PTPRM: variants seen among roughly 807,000 people sequenced by gnomAD.
PTPRM encodes receptor-type tyrosine-protein phosphatase mu.
A neutral mutation model predicts 186.7 loss-of-function variants in PTPRM; 47 were observed. The ratio of observed to expected loss-of-function variants is 0.25; its 90% CI spans 0.20 to 0.32. PTPRM has a LOEUF of 0.32. PTPRM is among the 10% of genes least tolerant of loss of function. The pLI, the probability that PTPRM is intolerant of heterozygous loss-of-function variation, is 1.00. For missense variants in PTPRM, 1,494 were observed against 1,865.0 expected (o/e 0.80, Z 3.66); for synonymous variants, 668 against 674.9 (o/e 0.99, Z 0.16).
At chr18:7,592,827 A>T (rs2037162186) in intron 1 of PTPRM, among the ~76,000 whole-genome samples, 1 of 152,176 alleles carries the variant, frequency 6.6e-6, no homozygotes, top group South Asian at 2.1e-4. Flanking sequence ...CAAGTGTGTG[A>T]GCTGGGGAAG....
intron 1 of PTPRM, among the ~76,000 whole-genome samples, chr18:7,660,901 A>T (rs767492132): frequency 2.6e-5 from 4 of 151,920 alleles, no homozygotes; most frequent in Admixed American, 1.3e-4. Flanking sequence ...AACCTGGGAG[A>T]TGGAGGTTGC....
At chr18:7,728,630 C>T (rs1160802858) in intron 1 of PTPRM, among the ~76,000 whole-genome samples, 1 of 152,214 alleles carries the variant, frequency 6.6e-6, no homozygotes, top group Non-Finnish European at 1.5e-5. Context: ...GATGTTCTCC[C>T]TTTGGGTCTT....
chr18:7,847,775 C>T (rs2046669207), intron 2 of PTPRM, among the ~76,000 whole-genome samples: 1 of 152,170 alleles, frequency 6.6e-6, no homozygotes, highest in Admixed American at 6.5e-5. Flanking sequence ...CCATCCAAAC[C>T]CAAATGATGT....
intron 1 of PTPRM, among the ~76,000 whole-genome samples, chr18:7,599,347 C>T (rs559176092): frequency 2.0e-5 from 3 of 152,272 alleles, no homozygotes; most frequent in South Asian, 4.1e-4. Flanking sequence ...ATAGCTGAAC[C>T]GCTAAAGTTA....
intron 19 of PTPRM, among the ~76,000 whole-genome samples, chr18:8,273,752 A>G (rs776855577): frequency 1.3e-5 from 2 of 152,350 alleles, no homozygotes; most frequent in Non-Finnish European, 1.5e-5. Context: ...CAAGACTGAC[A>G]GTATTTAGAA....
chr18:7,584,798 C>A (rs562098415), intron 1 of PTPRM, among the ~76,000 whole-genome samples: 5 of 152,214 alleles, frequency 3.3e-5, no homozygotes, highest in Non-Finnish European at 4.4e-5. Flanking sequence ...AGAATAATAT[C>A]CCCCTGCTGG....
intron 2 of PTPRM, among the ~76,000 whole-genome samples, chr18:7,886,235 T>C (rs573686046): frequency 6.6e-6 from 1 of 152,186 alleles, no homozygotes; most frequent in Non-Finnish European, 1.5e-5. Flanking sequence ...CTGTAACTCA[T>C]ACACAGGAAC....
chr18:7,895,654 C>G (rs2049317175), intron 3 of PTPRM, among the ~76,000 whole-genome samples: 1 of 152,196 alleles, frequency 6.6e-6, no homozygotes, highest in South Asian at 2.1e-4. Context: ...CCTTCTGTGC[C>G]TTCTTCCAGA....
At chr18:7,612,335 G>A (rs1020188748) in intron 1 of PTPRM, among the ~76,000 whole-genome samples, 1 of 152,088 alleles carries the variant, frequency 6.6e-6, no homozygotes, top group South Asian at 2.1e-4. Flanking sequence ...AAGGACAAGT[G>A]ATCCTTATTC....
intron 7 of PTPRM, among the ~76,000 whole-genome samples, chr18:7,982,901 C>T (rs1178182122): frequency 6.6e-6 from 1 of 152,084 alleles, no homozygotes; most frequent in Non-Finnish European, 1.5e-5. Flanking sequence ...CAGGAAGCTT[C>T]TACAAGGATT....
chr18:7,705,148 A>G (rs914341456), intron 1 of PTPRM, among the ~76,000 whole-genome samples: 3 of 152,148 alleles, frequency 2.0e-5, no homozygotes, highest in Non-Finnish European at 4.4e-5. Flanking sequence ...TTAACATGTC[A>G]TTTGATAAGA....
chr18:8,260,310 G>A (rs1011241850), intron 19 of PTPRM, among the ~76,000 whole-genome samples: 2 of 152,062 alleles, frequency 1.3e-5, no homozygotes, highest in South Asian at 4.2e-4. Flanking sequence ...CTACAGGCAC[G>A]CACCACCAAG....
chr18:8,241,611 C>T (rs549221526), intron 14 of PTPRM, among the ~76,000 whole-genome samples: 7 of 152,306 alleles, frequency 4.6e-5, no homozygotes, highest in Admixed American at 2.0e-4. Flanking sequence ...CTCCATGGGG[C>T]ATCAGTGTGC....
intron 2 of PTPRM, among the ~76,000 whole-genome samples, chr18:7,865,203 T>G (rs1244499503): frequency 6.6e-6 from 1 of 152,200 alleles, no homozygotes; most frequent in African/African-American, 2.4e-5. Context: ...TTCTCTTGCC[T>G]GATTGCCCTG....
chr18:7,662,044 A>G (rs2144392488), intron 1 of PTPRM, among the ~76,000 whole-genome samples: 1 of 152,192 alleles, frequency 6.6e-6, no homozygotes, highest in South Asian at 2.1e-4. Context: ...CAGTCTTCTG[A>G]ATAGTGGGGA....
chr18:7,943,773 C>G (rs1204239153), intron 5 of PTPRM, among the ~76,000 whole-genome samples: 1 of 152,124 alleles, frequency 6.6e-6, no homozygotes, highest in Non-Finnish European at 1.5e-5. Flanking sequence ...TCACATTGAC[C>G]CTTCTGCCTT....
At chr18:7,865,312 G>GTCA (rs201270399) in intron 2 of PTPRM, among the ~76,000 whole-genome samples, 4,606 of 152,230 alleles carry the variant, frequency 0.03, 160 homozygotes, top group East Asian at 0.15. Flanking sequence ...GTATGATATT[G>GTCA]GCTGTGGGTT....
At chr18:8,167,690 C>T (rs1387639409) in intron 14 of PTPRM, among the ~76,000 whole-genome samples, 1 of 151,924 alleles carries the variant, frequency 6.6e-6, no homozygotes, top group Non-Finnish European at 1.5e-5. Context: ...TGAAAAGATG[C>T]CATGCAGCAG....
intron 1 of PTPRM, among the ~76,000 whole-genome samples, chr18:7,758,330 T>TA (rs1001532486): frequency 7.2e-5 from 11 of 152,194 alleles, no homozygotes; most frequent in African/African-American, 2.7e-4. Context: ...AGAATGAGAA[T>TA]AGCAGCACCA....
Sources: allele counts gnomAD v4.1 joint callset (sites outside exome capture counted in the v4.1 genomes callset), GRCh38; gene constraint gnomAD v4.1.1; transcripts MANE v1.5; gene names NCBI Gene and HGNC (gene_info 2026-07-23, HGNC 2026-07-21).